NAV3: variants seen among roughly 807,000 people sequenced by gnomAD.
NAV3 encodes the protein pore membrane and/or filament interacting like protein 1.
Under a neutral mutation model 244.7 loss-of-function variants are expected in NAV3, and 87 were observed. That is an observed-to-expected ratio of 0.36 (90% CI 0.30 to 0.42). The LOEUF (loss-of-function observed/expected upper bound fraction) is 0.42. Among genes scored for constraint, NAV3 ranks in the 20% least tolerant of loss-of-function variants. The probability of loss-of-function intolerance (pLI) is 1.00; values close to 1 mark genes in which losing one functional copy is unlikely to be tolerated. For synonymous variants in NAV3, 1,126 were observed against 1,042.2 expected (o/e 1.08, Z -1.55); for missense variants, 2,663 against 2,893.3 (o/e 0.92, Z 1.83).
At chr12:77,955,255 C>A (rs1467293780) in intron 3 of NAV3, among the ~76,000 whole-genome samples, 1 of 152,130 alleles carries the variant, frequency 6.6e-6, no homozygotes, top group Non-Finnish European at 1.5e-5. Context: ...ATCCCTCAAC[C>A]TACGCTGTTT....
chr12:78,088,567 C>A (rs1483398718), intron 12 of NAV3, among the ~76,000 whole-genome samples: 1 of 152,072 alleles, frequency 6.6e-6, no homozygotes, highest in Admixed American at 6.6e-5. Context: ...ATAAAAAAAT[C>A]TTCATTCTAC....
intron 2 of NAV3, among the ~76,000 whole-genome samples, chr12:77,599,041 A>G (rs1870301793): frequency 1.3e-5 from 2 of 151,858 alleles, no homozygotes; most frequent in South Asian, 4.1e-4. Flanking sequence ...TACCCTACTA[A>G]GCCCCTGGCA....
intron 9 of NAV3, among the ~76,000 whole-genome samples, chr12:78,046,386 C>T (rs1272242853): frequency 6.6e-6 from 1 of 152,222 alleles, no homozygotes; most frequent in Non-Finnish European, 1.5e-5. Flanking sequence ...GAATTTCCCT[C>T]TAAACACAGC....
At chr12:78,025,817 C>G (rs1877966694) in intron 9 of NAV3, among the ~76,000 whole-genome samples, 1 of 152,036 alleles carries the variant, frequency 6.6e-6, no homozygotes, top group African/African-American at 2.4e-5. Flanking sequence ...ACCATATGAT[C>G]TCTGCACAAC....
chr12:77,717,099 T>C (rs892321082), intron 2 of NAV3, among the ~76,000 whole-genome samples: 24 of 152,090 alleles, frequency 1.6e-4, no homozygotes, highest in African/African-American at 5.3e-4. Flanking sequence ...CATCTCTGAC[T>C]TTTTATACTT....
intron 2 of NAV3, among the ~76,000 whole-genome samples, chr12:77,664,966 C>A (rs1873649237): frequency 6.6e-6 from 1 of 152,150 alleles, no homozygotes; most frequent in African/African-American, 2.4e-5. Context: ...GCTGGAGTTG[C>A]AGTGGCTATT....
At chr12:78,110,242 G>C (rs1955019242) in intron 12 of NAV3, among the ~76,000 whole-genome samples, 1 of 151,934 alleles carries the variant, frequency 6.6e-6, no homozygotes, top group Non-Finnish European at 1.5e-5. Context: ...GGAAGTTAAA[G>C]ATCTCTGCAC....
rs1959190544 is a variant in NAV3 at position 78,197,304 on chromosome 12, G to A, written c.6349G>A (p.Val2117Met). 1 of 1,608,916 alleles carries A rather than the reference G, an allele frequency of 6.2e-7. No individual in the cohort carries two copies. The highest frequency in any genetic ancestry group is 1.7e-5 in the Admixed American group (1 of 59,672). The change falls in exon 35 of 40, where the codon GTG (valine) becomes ATG (methionine). Residue 2117 changes from valine to methionine, a missense_variant. Around this residue, in one of 6 missense-constraint regions of NAV3, gnomAD observed 543 missense variants for 672.4 expected, o/e 0.81. Coordinates refer to ENST00000397909, the MANE Select transcript of NAV3 (RefSeq NM_001024383.2). The part of the protein sequence containing the change: ...AEQCSADNNG[V>M]ELPVVIILDN... ...ACAGTGCAGTGCTGATAATAATGGA[G>A]TGGAGCTCCCAGTTGTAATAATTCT...
intron 1 of NAV3, among the ~76,000 whole-genome samples, chr12:77,932,100 A>T: frequency 6.6e-6 from 1 of 152,026 alleles, no homozygotes; most frequent in East Asian, 1.9e-4. Context: ...AGGGTGGAGG[A>T]TATGAAATCC....
intron 1 of NAV3, among the ~76,000 whole-genome samples, chr12:77,880,532 T>C (rs188598459): frequency 4.6e-5 from 7 of 152,280 alleles, no homozygotes; most frequent in Admixed American, 3.9e-4. Context: ...TCTGGAGTTA[T>C]GTGGTTCATT....
intron 2 of NAV3, among the ~76,000 whole-genome samples, chr12:77,727,791 A>C (rs1487089868): frequency 6.6e-6 from 1 of 151,966 alleles, no homozygotes; most frequent in Non-Finnish European, 1.5e-5. Context: ...TCCCAGTTAT[A>C]CTGTTAGGAA....
intron 12 of NAV3, among the ~76,000 whole-genome samples, chr12:78,067,272 A>C (rs768341742): frequency 2.0e-5 from 3 of 152,118 alleles, no homozygotes; most frequent in Admixed American, 6.6e-5. Flanking sequence ...TTAAAAGCAA[A>C]CACAATAAAG....
At chr12:77,816,447 C>T (rs1017425061) in intron 2 of NAV3, among the ~76,000 whole-genome samples, 1 of 152,180 alleles carries the variant, frequency 6.6e-6, no homozygotes, top group Non-Finnish European at 1.5e-5. Context: ...TCATTTGACT[C>T]TCTTTCCTTT....
At chr12:78,008,957 G>A (rs1356944933) in intron 8 of NAV3, among the ~76,000 whole-genome samples, 1 of 152,098 alleles carries the variant, frequency 6.6e-6, no homozygotes. Context: ...GTCATACTCA[G>A]CACACTTTTG....
At chr12:77,598,657 G>A (rs771842) in intron 2 of NAV3, among the ~76,000 whole-genome samples, 7,575 of 151,822 alleles carry the variant, frequency 0.05, 228 homozygotes, top group Middle Eastern at 0.075. Context: ...GATACACCCG[G>A]GAAACCATTA....
At chr12:77,673,811 A>G (rs1874092470) in intron 2 of NAV3, among the ~76,000 whole-genome samples, 1 of 151,964 alleles carries the variant, frequency 6.6e-6, no homozygotes, top group Non-Finnish European at 1.5e-5. Context: ...TTGCATATCT[A>G]TTTTTCTTTT....
Position 77,613,775 on chromosome 12 carries a change from T to C in NAV3, c.72+41509T>C, listed in dbSNP as rs1415132608. Among the ~76,000 whole-genome samples the C allele has an allele frequency of 2.0e-5, 3 of 152,314 alleles. No individual in the cohort carries two copies. In the East Asian group the frequency reaches 5.8e-4, roughly 29 times the overall value. ...TTCCTTTGGCAATTTACTGAAGTTT[T>C]GTAACTTCCCTTTGGGGTTACCGTT... is the stretch of plus-strand genomic sequence containing the variant. On this transcript the variant is annotated intron_variant, in intron 2 of 8. Coordinates refer to the NAV3 transcript ENST00000550042.
chr12:77,815,818 A>G (rs941192372), intron 2 of NAV3, among the ~76,000 whole-genome samples: 5 of 152,170 alleles, frequency 3.3e-5, no homozygotes, highest in African/African-American at 1.2e-4. Flanking sequence ...TGGGTGTGGT[A>G]CTTAGCAACT....
At position 77,795,653 on chromosome 12, in the gene NAV3, C is replaced by T. The variant is rs187181379; in HGVS notation, c.73-144666C>T. On this transcript the variant is annotated intron_variant, in intron 2 of 8. Transcript: ENST00000550042. ...TATATGTCATCTAAGGCTTTCATAACGAAAAAGTCAATGCTTGGCTTCAAA... is the reference window on the plus strand; with the variant it reads ...TATATGTCATCTAAGGCTTTCATAATGAAAAAGTCAATGCTTGGCTTCAAA... Among the ~76,000 whole-genome samples the T allele has an allele frequency of 8.5e-5, 13 of 152,132 alleles. No individual in the cohort carries two copies. The East Asian group carries it at 1.4e-3, about 16-fold the overall frequency.
Sources: allele counts gnomAD v4.1 joint callset (sites outside exome capture counted in the v4.1 genomes callset), GRCh38; gene constraint gnomAD v4.1.1; regional missense constraint gnomAD v4.1.1; transcripts MANE v1.5; gene names NCBI Gene and HGNC (gene_info 2026-07-23, HGNC 2026-07-21).